CSMD2: variants seen among roughly 807,000 people sequenced by gnomAD.
The protein encoded by CSMD2 is CUB and sushi domain-containing protein 2.
In CSMD2, 130 loss-of-function variants were observed where a neutral mutation model predicts 398.5. That is an observed-to-expected ratio of 0.33 (90% CI 0.28 to 0.38). CSMD2 has a LOEUF of 0.38. CSMD2 is among the 10% of genes least tolerant of loss of function. CSMD2 has a pLI of 1.00. For synonymous variants in CSMD2, 1,828 were observed against 1,908.5 expected, an observed-to-expected ratio of 0.96 and a Z score of 1.10; for missense variants, 3,829 against 4,764.9, an observed-to-expected ratio of 0.80 and a Z score of 5.78.
At chr1:33,550,088 A>G (rs113526519) in intron 56 of CSMD2, 89 bp downstream of exon 56, 12 of 1,336,790 alleles carry the variant, frequency 9.0e-6, no homozygotes, top group African/African-American at 4.3e-5. Context: ...CCTCCCATCC[A>G]TCAATCACAC....
intron 6 of CSMD2, among the ~76,000 whole-genome samples, chr1:33,826,575 G>A (rs1401349670): frequency 6.6e-6 from 1 of 152,148 alleles, no homozygotes; most frequent in African/African-American, 2.4e-5. Context: ...GGGAGATGGG[G>A]CCTGACTCAA....
At chr1:33,666,575 C>T (rs1268000074) in intron 25 of CSMD2, among the ~76,000 whole-genome samples, 5 of 150,856 alleles carry the variant, frequency 3.3e-5, no homozygotes, top group Non-Finnish European at 7.4e-5. Flanking sequence ...GTGTTTCTTA[C>T]TTTCGGTCAC....
intron 22 of CSMD2, among the ~76,000 whole-genome samples, chr1:33,705,828 A>G (rs531535435): frequency 1.3e-5 from 2 of 151,098 alleles, no homozygotes; most frequent in South Asian, 4.2e-4. Context: ...TATTTCCATA[A>G]TCTCTCCTAT....
At chr1:34,010,471 G>A (rs1455626619) in intron 3 of CSMD2, among the ~76,000 whole-genome samples, 1 of 152,158 alleles carries the variant, frequency 6.6e-6, no homozygotes, top group Non-Finnish European at 1.5e-5. Flanking sequence ...TCTATTGTTA[G>A]TCTCATTTTA....
upstream of CSMD2, among the ~76,000 whole-genome samples, chr1:34,165,564 A>G (rs1557464716): frequency 6.6e-6 from 1 of 151,948 alleles, no homozygotes; most frequent in African/African-American, 2.4e-5. Flanking sequence ...AACATCACCC[A>G]TTAATACACC....
intron 1 of CSMD2, among the ~76,000 whole-genome samples, chr1:34,137,692 C>T (rs1476970264): frequency 1.3e-5 from 2 of 152,218 alleles, no homozygotes; most frequent in African/African-American, 4.8e-5. Context: ...CAATCCAGTG[C>T]TTCGACTGAA....
intron 1 of CSMD2, among the ~76,000 whole-genome samples, chr1:34,095,942 G>T (rs1274722413): frequency 3.3e-5 from 5 of 152,118 alleles, no homozygotes; most frequent in Non-Finnish European, 7.3e-5. Context: ...CCAAAGCTGG[G>T]CAGAGACACA....
intron 2 of CSMD2, among the ~76,000 whole-genome samples, chr1:34,058,781 G>A (rs1189161351): frequency 1.3e-5 from 2 of 152,146 alleles, no homozygotes; most frequent in East Asian, 3.9e-4. Flanking sequence ...GTCCCCAGAA[G>A]CCTGGACCCT....
At chr1:34,099,058 C>A (rs976116736) in intron 1 of CSMD2, among the ~76,000 whole-genome samples, 1 of 152,094 alleles carries the variant, frequency 6.6e-6, no homozygotes, top group African/African-American at 2.4e-5. Context: ...CAAAAGAAGA[C>A]ATAAATGGCC....
At chr1:33,966,455 C>A (rs1445788328) in intron 3 of CSMD2, among the ~76,000 whole-genome samples, 1 of 152,130 alleles carries the variant, frequency 6.6e-6, no homozygotes, top group Non-Finnish European at 1.5e-5. Flanking sequence ...AGTGAAGAAA[C>A]CTTGTTGACC....
chr1:34,050,420 A>T (rs569552832), intron 2 of CSMD2, among the ~76,000 whole-genome samples: 1 of 152,330 alleles, frequency 6.6e-6, no homozygotes, highest in East Asian at 1.9e-4. Flanking sequence ...GCTTCTGACC[A>T]ATAAACTCAC....
chr1:33,754,361 C>A (rs868490869), intron 13 of CSMD2, among the ~76,000 whole-genome samples: 2 of 152,300 alleles, frequency 1.3e-5, no homozygotes, highest in Middle Eastern at 3.4e-3. Flanking sequence ...ATCTTGCTCC[C>A]ACTCTTGCCA....
At chr1:33,655,514 C>T (rs1248394462) in intron 27 of CSMD2, among the ~76,000 whole-genome samples, 1 of 152,216 alleles carries the variant, frequency 6.6e-6, no homozygotes, top group African/African-American at 2.4e-5. Context: ...TTGTCTAAGG[C>T]CACACAGCTT....
intron 43 of CSMD2, among the ~76,000 whole-genome samples, 181 bp from the exon 44 acceptor site, chr1:33,601,191 CAT>C (rs61181768): frequency 0.011 from 1,712 of 152,292 alleles, 31 homozygotes; most frequent in African/African-American, 0.039. Context: ...GGTCTCCCAA[CAT>C]AGTTGATAGA....
rs567809122 is a variant in CSMD2 at position 33,814,723 on chromosome 1, G to A, written c.1325-3859C>T. On this transcript the variant is annotated intron_variant, in intron 9 of 70. Transcript: ENST00000373381. ...TCAACCATGTTTATAGCCACACCCA[G>A]GGCCTTGCTATCCTGGGAGCCAGGA... Among the ~76,000 whole-genome samples, 23 of 152,206 alleles carry A rather than the reference G, an allele frequency of 1.5e-4. No individual in the cohort carries two copies. The East Asian group carries it at 4.3e-3, about 28-fold the overall frequency.
At chr1:33,857,087 C>CAA (rs1639152738) in intron 5 of CSMD2, among the ~76,000 whole-genome samples, 1 of 152,046 alleles carries the variant, frequency 6.6e-6, no homozygotes, top group East Asian at 1.9e-4. Context: ...TGCCTGGGTT[C>CAA]AAGTATCATC....
chr1:33,834,058 G>A (rs1455776337), intron 6 of CSMD2, among the ~76,000 whole-genome samples: 1 of 134,330 alleles, frequency 7.4e-6, no homozygotes, highest in African/African-American at 3.0e-5. Context: ...TCAATATCGT[G>A]AAAATGGCCA....
intron 2 of CSMD2, among the ~76,000 whole-genome samples, chr1:34,065,357 C>T (rs1251252573): frequency 6.6e-6 from 1 of 152,212 alleles, no homozygotes; most frequent in Non-Finnish European, 1.5e-5. Context: ...AAACTGCAGA[C>T]TCCATCAGGC....
At chr1:33,841,112 C>T (rs1660805144) in intron 6 of CSMD2, among the ~76,000 whole-genome samples, 1 of 152,220 alleles carries the variant, frequency 6.6e-6, no homozygotes, top group Non-Finnish European at 1.5e-5. Context: ...CAATGGTTTT[C>T]ACTGTGGAAT....
Sources: gnomAD v4.1 joint callset for allele counts (sites outside exome capture counted in the v4.1 genomes callset) on GRCh38, gnomAD v4.1.1 for gene constraint, MANE v1.5 for transcripts, NCBI Gene and HGNC (gene_info 2026-07-23, HGNC 2026-07-21) for gene names.